The following SLC12A2 variants were observed in gnomAD, a reference collection of about 807,000 sequenced individuals.
SLC12A2 encodes the protein Na-K-2Cl cotransporter 1.
A neutral mutation model predicts 136.3 loss-of-function variants in SLC12A2; 67 were observed. That is an observed-to-expected ratio of 0.49 (90% CI 0.40 to 0.60). The LOEUF (loss-of-function observed/expected upper bound fraction) is 0.60. SLC12A2 is among the 20% of genes least tolerant of loss of function. The pLI, the probability that SLC12A2 is intolerant of heterozygous loss-of-function variation, is 0.00. For missense variants in SLC12A2, 1,322 were observed against 1,534.7 expected (o/e 0.86, Z 2.32); for synonymous variants, 619 against 562.9 (o/e 1.10, Z -1.41).
rs750220247 is a variant in SLC12A2 at position 128,084,626 on chromosome 5, C to G, written c.672C>G (p.Ile224Met). 17 of 1,613,326 alleles carry G rather than the reference C, an allele frequency of 1.1e-5. No individual in the cohort carries two copies. The Middle Eastern group carries it at 4.9e-4, about 47-fold the overall frequency. The change falls in exon 1 of 27, where the codon ATC becomes ATG. Residue 224 changes from isoleucine (I) to methionine (M), a missense_variant. Coordinates refer to ENST00000262461, the MANE Select transcript of SLC12A2 (RefSeq NM_001046.3). This position sits in a 1 kb window ranked among gnomAD's most constrained non-coding sequence, Gnocchi z 5.6. ...GHNTMDAVPRIDHYRHTAAQL... is the reference protein window; with the variant it reads ...GHNTMDAVPRMDHYRHTAAQL... The stretch of plus-strand genomic sequence containing the variant: ...ACACCATGGACGCTGTGCCCAGGAT[C>G]GATCACTACCGGCACACAGCCGCGC...
chr5:128,111,431 G>A (rs1761140070), intron 1 of SLC12A2, among the ~76,000 whole-genome samples: 4 of 152,130 alleles, frequency 2.6e-5, no homozygotes, highest in Admixed American at 2.0e-4. Context: ...ATTTTGCACT[G>A]TGGTAGCACA....
chr5:128,099,835 G>A (rs1005859300), intron 1 of SLC12A2, among the ~76,000 whole-genome samples: 1 of 152,042 alleles, frequency 6.6e-6, no homozygotes, highest in Non-Finnish European at 1.5e-5. Context: ...ACTATAACAC[G>A]TGGAGCTGTC....
intron 19 of SLC12A2, 51 bp downstream of exon 19, chr5:128,171,797 TG>T (rs746657177): frequency 9.5e-5 from 101 of 1,067,456 alleles, no homozygotes; most frequent in Non-Finnish European, 1.3e-4. Context: ...TAAACTACTT[TG>T]TTAGAAAATT....
chr5:128,180,945 A>G lies in SLC12A2; in HGVS notation c.3163A>G (p.Arg1055Gly), dbSNP rs768590209. 24 of 1,612,956 alleles carry G rather than the reference A, an allele frequency of 1.5e-5. No homozygotes were observed. The highest frequency in any genetic ancestry group is 1.9e-5 in the Non-Finnish European group (22 of 1,179,126). ...GAAAAAATGGAAAGACTGTAAGATC[A>G]GAGTATTCATTGGTGGAAAGATAAA... is the stretch of plus-strand genomic sequence containing the variant. ...TKKKWKDCKI[R>G]VFIGGKINRI... The change falls in exon 23 of 27, where the codon AGA (arginine) becomes GGA (glycine). Residue 1055 changes from arginine to glycine, a missense_variant. This residue lies in a region of SLC12A2 where 172 missense variants were observed against 227.4 expected (regional missense o/e 0.76). Transcript: ENST00000262461.
At chr5:128,183,925 T>C (rs954222352) in intron 24 of SLC12A2, among the ~76,000 whole-genome samples, 1 of 152,064 alleles carries the variant, frequency 6.6e-6, no homozygotes, top group Non-Finnish European at 1.5e-5. Flanking sequence ...AGGTTGGAGA[T>C]TCCTTATCCC....
intron 1 of SLC12A2, among the ~76,000 whole-genome samples, chr5:128,107,514 C>T (rs886814021): frequency 3.9e-5 from 6 of 152,170 alleles, no homozygotes; most frequent in Non-Finnish European, 7.4e-5. Context: ...CATTGTTCAG[C>T]TCCCACTTAT....
chr5:128,112,514 G>T (rs1179349129), intron 1 of SLC12A2, among the ~76,000 whole-genome samples: 1 of 152,160 alleles, frequency 6.6e-6, no homozygotes, highest in Non-Finnish European at 1.5e-5. Flanking sequence ...CCTGTAATTA[G>T]CAAACAGGAG....
At chr5:128,172,327 C>T (rs1403741104) in intron 19 of SLC12A2, among the ~76,000 whole-genome samples, 1 of 152,012 alleles carries the variant, frequency 6.6e-6, no homozygotes, top group Non-Finnish European at 1.5e-5. Context: ...GGTACTATAT[C>T]CAAGCCAGGA....
Position 128,126,971 on chromosome 5 carries a change from T to A in SLC12A2, c.1049-4096T>A, listed in dbSNP as rs545720397. On this transcript the variant is annotated intron_variant, in intron 4 of 26. Transcript: ENST00000262461. ...ATATATATATATATATATATATTTT[T>A]TTTTTTTTTTTTTTTTGCATCTAAA... 1.3e-3 allele frequency among the ~76,000 whole-genome samples: 158 copies of A among 122,920 alleles called. 1 individual carries two copies. Among genetic ancestry groups the A allele is most frequent in the African/African-American group, 5.9e-3 (153 of 25,984 alleles). The allele number at this position is 122,920 out of a possible 152,430, so 80.6% of individuals were successfully genotyped here. A position where few individuals can be genotyped will look rare whatever the true frequency, so the allele number is the denominator to read the frequency against.
chr5:128,104,537 C>T (rs1175769683), intron 1 of SLC12A2, among the ~76,000 whole-genome samples: 1 of 151,778 alleles, frequency 6.6e-6, no homozygotes, highest in Non-Finnish European at 1.5e-5. Context: ...GAGGCTGAGG[C>T]AGGAGAATCA....
At chr5:128,150,962 G>A (rs936529595) in intron 13 of SLC12A2, among the ~76,000 whole-genome samples, 2 of 151,616 alleles carry the variant, frequency 1.3e-5, no homozygotes, top group African/African-American at 4.8e-5. Flanking sequence ...ACCTAAGGTA[G>A]GTTGATTTTT....
intron 9 of SLC12A2, among the ~76,000 whole-genome samples, chr5:128,140,534 AT>A (rs1296379753): frequency 2.6e-5 from 4 of 152,176 alleles, no homozygotes; most frequent in African/African-American, 7.2e-5. Context: ...AATATTTTCT[AT>A]TTTTATTTTA....
intron 15 of SLC12A2, among the ~76,000 whole-genome samples, chr5:128,153,561 C>CA (rs890387765): frequency 6.6e-6 from 1 of 151,624 alleles, no homozygotes; most frequent in Non-Finnish European, 1.5e-5. Context: ...TCTCAAAAAA[C>CA]AAAAAAAGAA....
chr5:128,159,197 T>C (rs1762956487), intron 16 of SLC12A2, among the ~76,000 whole-genome samples: 1 of 152,052 alleles, frequency 6.6e-6, no homozygotes, highest in Admixed American at 6.6e-5. Context: ...AATTCACTGT[T>C]ATTTTTCTCA....
At chr5:128,095,789 C>T (rs992295782) in intron 1 of SLC12A2, among the ~76,000 whole-genome samples, 1 of 152,048 alleles carries the variant, frequency 6.6e-6, no homozygotes, top group Non-Finnish European at 1.5e-5. Flanking sequence ...ATTGGATACT[C>T]CTGTCTTAGA....
chr5:128,181,440 C>CT (rs1013664208), intron 23 of SLC12A2, among the ~76,000 whole-genome samples: 1 of 152,154 alleles, frequency 6.6e-6, no homozygotes, highest in African/African-American at 2.4e-5. Context: ...CTCCTGCTCT[C>CT]TAAGTACTCT....
intron 10 of SLC12A2, among the ~76,000 whole-genome samples, chr5:128,142,935 T>C (rs979283697): frequency 4.1e-4 from 62 of 151,916 alleles, no homozygotes; most frequent in Non-Finnish European, 1.3e-4. Flanking sequence ...ATGAATTGTG[T>C]TGTGGTGGAG....
intron 26 of SLC12A2, 28 bp from the exon 27 acceptor site, chr5:128,186,468 T>TC (rs762429695): frequency 1.1e-5 from 18 of 1,566,610 alleles, no homozygotes; most frequent in South Asian, 7.3e-5. Flanking sequence ...AGGGTTTTTT[T>TC]TTTTTCTTTT....
chr5:128,149,367 G>A (rs2126720835), intron 12 of SLC12A2, among the ~76,000 whole-genome samples: 1 of 151,878 alleles, frequency 6.6e-6, no homozygotes, highest in African/African-American at 2.4e-5. Context: ...TGTTAGATGT[G>A]TATTTGGTGT....
Sources: allele counts gnomAD v4.1 joint callset (sites outside exome capture counted in the v4.1 genomes callset), GRCh38; gene constraint gnomAD v4.1.1; regional missense constraint gnomAD v4.1.1; non-coding constraint Gnocchi (gnomAD v3.1); transcripts MANE v1.5; gene names NCBI Gene and HGNC (gene_info 2026-07-23, HGNC 2026-07-21).